Variants in AGTR1 observed in about 807,000 individuals in gnomAD.
The protein encoded by AGTR1 is angiotensin II receptor type 1.
Under a neutral mutation model 19.4 loss-of-function variants are expected in AGTR1, and 16 were observed. That is an observed-to-expected ratio of 0.82 (90% CI 0.56 to 1.25). AGTR1 has a LOEUF of 1.25. Among genes scored for constraint, AGTR1 ranks in the 50% most tolerant of loss-of-function variants. The pLI is 0.00. For missense variants in AGTR1, 373 were observed against 431.9 expected, an observed-to-expected ratio of 0.86 and a Z score of 1.21; for synonymous variants, 153 against 154.9, an observed-to-expected ratio of 0.99 and a Z score of 0.09.
chr3:148,710,842 C>G (rs1712941499), intron 2 of AGTR1, among the ~76,000 whole-genome samples: 1 of 152,058 alleles, frequency 6.6e-6, no homozygotes, highest in African/African-American at 2.4e-5. Flanking sequence ...TCATGAATGG[C>G]TTGGTGCCCT....
chr3:148,710,067 CAT>C (rs1342784800), intron 2 of AGTR1, among the ~76,000 whole-genome samples: 2 of 152,152 alleles, frequency 1.3e-5, no homozygotes, highest in Non-Finnish European at 2.9e-5. Context: ...TCAGTAGACA[CAT>C]GTGGTTAGTG....
intron 1 of AGTR1, among the ~76,000 whole-genome samples, chr3:148,702,604 C>T (rs556927136): frequency 2.6e-4 from 40 of 152,218 alleles, no homozygotes; most frequent in Non-Finnish European, 5.4e-4. Flanking sequence ...GCCCCTCCTT[C>T]TGTCCTGCCT....
At chr3:148,728,488 A>G (rs1029914395) in intron 2 of AGTR1, among the ~76,000 whole-genome samples, 4 of 152,218 alleles carry the variant, frequency 2.6e-5, no homozygotes, top group African/African-American at 9.7e-5. Flanking sequence ...TTGAATTGAC[A>G]TTTTCCCCAT....
intron 2 of AGTR1, among the ~76,000 whole-genome samples, chr3:148,710,704 T>G (rs1712932406): frequency 6.6e-6 from 1 of 152,168 alleles, no homozygotes; most frequent in Admixed American, 6.5e-5. Flanking sequence ...AAGCCTTTAT[T>G]TTTATTTAAA....
chr3:148,736,901 A>T (rs1714598251), intron 2 of AGTR1, among the ~76,000 whole-genome samples: 1 of 152,220 alleles, frequency 6.6e-6, no homozygotes, highest in Non-Finnish European at 1.5e-5. Context: ...CTCTTCTGGG[A>T]AAAGAAGCAG....
At chr3:148,701,311 T>C (rs1712328799) in intron 1 of AGTR1, among the ~76,000 whole-genome samples, 1 of 152,216 alleles carries the variant, frequency 6.6e-6, no homozygotes, top group South Asian at 2.1e-4. Context: ...AAAGGACTAG[T>C]GACTATTGCT....
intron 1 of AGTR1, among the ~76,000 whole-genome samples, chr3:148,700,971 C>G (rs570116780): frequency 6.6e-6 from 1 of 152,194 alleles, no homozygotes; most frequent in Middle Eastern, 3.4e-3. Context: ...TAAATTTGAT[C>G]GATTTGTATC....
At chr3:148,720,466 CT>C (rs1713568389) in intron 2 of AGTR1, among the ~76,000 whole-genome samples, 1 of 152,136 alleles carries the variant, frequency 6.6e-6, no homozygotes, top group Admixed American at 6.5e-5. Flanking sequence ...CTCTTGCAAA[CT>C]TTTAACATCT....
chr3:148,723,898 T>C (rs1051939085), intron 2 of AGTR1, among the ~76,000 whole-genome samples: 1 of 152,128 alleles, frequency 6.6e-6, no homozygotes, highest in African/African-American at 2.4e-5. Context: ...GTTAAAACAT[T>C]GGAATGAGGG....
At chr3:148,701,042 A>T (rs1419319078) in intron 1 of AGTR1, among the ~76,000 whole-genome samples, 1 of 152,228 alleles carries the variant, frequency 6.6e-6, no homozygotes, top group Non-Finnish European at 1.5e-5. Flanking sequence ...AGCTTCTAAA[A>T]ATCAACTTTT....
chr3:148,698,161 G>T lies in AGTR1; in HGVS notation c.-132+34G>T, dbSNP rs191683621. On this transcript the variant is annotated intron_variant, in intron 1 of 2. Coordinates refer to ENST00000349243, the MANE Select transcript of AGTR1 (RefSeq NM_000685.5). ...GCGCGGACCGCCAGGCATGCTTGGG[G>T]GACTTCAAGGGCGGGGTGCTAAGTT... 3.5e-4 allele frequency: 54 copies of T among 152,428 alleles called. No homozygotes were observed. In the East Asian group the frequency reaches 6.2e-3, roughly 18 times the overall value. 9.4% of individuals were successfully genotyped at this position (152,428 alleles called of 1,614,324 possible).
chr3:148,710,313 A>G (rs756140379), intron 2 of AGTR1, among the ~76,000 whole-genome samples: 1 of 152,166 alleles, frequency 6.6e-6, no homozygotes, highest in Non-Finnish European at 1.5e-5. Flanking sequence ...GTTTGTTTGC[A>G]TATTAAAATA....
At chr3:148,726,124 C>G (rs1713917140) in intron 2 of AGTR1, among the ~76,000 whole-genome samples, 1 of 152,020 alleles carries the variant, frequency 6.6e-6, no homozygotes, top group Admixed American at 6.6e-5. Context: ...ATGATTTGTC[C>G]AAGATCTCAA....
At position 148,722,734 on chromosome 3, in the gene AGTR1, T is replaced by C. The variant is rs1337541964; in HGVS notation, c.-48+14707T>C. Among the ~76,000 whole-genome samples, 3 of 152,298 alleles carry C rather than the reference T, an allele frequency of 2.0e-5. No individual in the cohort carries two copies. The East Asian group carries it at 5.8e-4, about 29-fold the overall frequency. On this transcript the variant is annotated intron_variant, in intron 2 of 2. Transcript: ENST00000349243. ...GAGTCAGTTACAAGAGTTTGCATCA[T>C]CAGACCACCATTTTCCGTCTCTGTT... is the stretch of plus-strand genomic sequence containing the variant.
At position 148,741,643 on chromosome 3, in the gene AGTR1, G is replaced by A. The variant is rs1010369365; in HGVS notation, c.608G>A (p.Gly203Asp). The A allele has an allele frequency of 2.5e-6, 4 of 1,614,004 alleles. No individual in the cohort carries two copies. Among genetic ancestry groups the A allele is most frequent in the Non-Finnish European group, 2.5e-6 (3 of 1,179,958 alleles). The change falls in exon 3 of 3, where the codon GGT (glycine) becomes GAT (aspartate). Residue 203 changes from glycine to aspartate, a missense_variant. Physicochemically the swap from Gly to Asp is moderately conservative, Grantham distance 94 (BLOSUM62 -1). Coordinates refer to ENST00000349243, the MANE Select transcript of AGTR1 (RefSeq NM_000685.5). ...IGLGLTKNIL[G>D]FLFPFLIILT... ...CTGGGCCTGACCAAAAATATACTGG[G>A]TTTCCTGTTTCCTTTTCTGATCATT...
At chr3:148,705,071 T>TA (rs1712591475) in intron 1 of AGTR1, among the ~76,000 whole-genome samples, 1 of 152,254 alleles carries the variant, frequency 6.6e-6, no homozygotes, top group Non-Finnish European at 1.5e-5. Flanking sequence ...TTAGTACTAA[T>TA]AAAAAATAAA....
intron 1 of AGTR1, among the ~76,000 whole-genome samples, chr3:148,700,878 A>G (rs772404771): frequency 2.6e-5 from 4 of 152,222 alleles, no homozygotes; most frequent in Non-Finnish European, 5.9e-5. Flanking sequence ...AAATTGCCTA[A>G]GATCATTGGA....
At chr3:148,739,637 T>C (rs189313061) in intron 2 of AGTR1, among the ~76,000 whole-genome samples, 114 of 152,324 alleles carry the variant, frequency 7.5e-4, no homozygotes, top group African/African-American at 2.5e-3. Context: ...TCACATGTGT[T>C]ATGTCTTAAA....
chr3:148,708,642 T>C (rs1409725831), intron 2 of AGTR1, among the ~76,000 whole-genome samples: 2 of 152,168 alleles, frequency 1.3e-5, no homozygotes, highest in East Asian at 3.9e-4. Flanking sequence ...CATTAAACTC[T>C]CTCACAACCT....
Sources: gnomAD v4.1 joint callset for allele counts (sites outside exome capture counted in the v4.1 genomes callset) on GRCh38, gnomAD v4.1.1 for gene constraint, MANE v1.5 for transcripts, NCBI Gene and HGNC (gene_info 2026-07-23, HGNC 2026-07-21) for gene names.